The following ARHGAP8 variants were observed in gnomAD, a reference collection of about 807,000 sequenced individuals.
ARHGAP8 encodes the protein Rho GTPase activating protein 8, also known as rho GTPase-activating protein 8.
ARHGAP8 carries 62 observed loss-of-function variants against 46.1 expected under a neutral mutation model. The observed-to-expected ratio is 1.34, with a 90% CI of 1.10 to 1.66. The LOEUF is 1.66. ARHGAP8 is among the 40% of genes most tolerant of loss of function. The pLI is 0.00. For missense variants in ARHGAP8, 923 were observed against 568.4 expected, an observed-to-expected ratio of 1.62 and a Z score of -6.34; for synonymous variants, 375 against 243.1, an observed-to-expected ratio of 1.54 and a Z score of -5.05.
intron 1 of ARHGAP8, among the ~76,000 whole-genome samples, chr22:44,753,008 C>G (rs554616184): frequency 1.3e-5 from 2 of 152,060 alleles, no homozygotes; most frequent in East Asian, 3.9e-4. Flanking sequence ...TTTTTGCTTC[C>G]GTCCTGGGGT....
intron 5 of ARHGAP8, 38 bp from the exon 6 acceptor site, chr22:44,822,333 C>T: frequency 6.4e-7 from 1 of 1,562,082 alleles, no homozygotes; most frequent in Non-Finnish European, 8.6e-7. Context: ...TCTGCTGGCG[C>T]CTAATCGTTC....
At chr22:44,767,984 CTTTTTTTTTTTTTTT>C (rs1167255172) in intron 1 of ARHGAP8, among the ~76,000 whole-genome samples, 10 of 47,252 alleles carry the variant, frequency 2.1e-4, no homozygotes, top group South Asian at 1.1e-3. Flanking sequence ...CGCATGATGT[CTTTTTTTTTTTTTTT>C]TTTTTTTTTT....
intron 1 of ARHGAP8, among the ~76,000 whole-genome samples, chr22:44,756,919 A>G (rs1024442417): frequency 4.6e-5 from 7 of 151,792 alleles, no homozygotes; most frequent in Non-Finnish European, 8.8e-5. Context: ...ATTAGCAACA[A>G]TTTTTTATTT....
chr22:44,853,110 A>AT (rs1013163923), intron 10 of ARHGAP8, among the ~76,000 whole-genome samples: 1 of 137,696 alleles, frequency 7.3e-6, no homozygotes, highest in Admixed American at 6.9e-5. Flanking sequence ...CCTAAACTCC[A>AT]TTTTTTTAGT....
At chr22:44,765,139 C>A (rs1283982636) in intron 1 of ARHGAP8, 1 of 152,154 alleles carries the variant, frequency 6.6e-6, no homozygotes, top group Admixed American at 6.5e-5. Flanking sequence ...GGCCCTGGGG[C>A]CACAGCTGGC....
At chr22:44,845,783 G>T (rs929340590) in intron 8 of ARHGAP8, among the ~76,000 whole-genome samples, 7 of 152,132 alleles carry the variant, frequency 4.6e-5, no homozygotes, top group Non-Finnish European at 1.0e-4. Context: ...AACTTGGAGT[G>T]GGGTGAGCCT....
At chr22:44,768,039 AC>A (rs1252102075) in intron 1 of ARHGAP8, among the ~76,000 whole-genome samples, 1 of 97,874 alleles carries the variant, frequency 1.0e-5, no homozygotes, top group Non-Finnish European at 1.8e-5. Context: ...TTGCTCTGTC[AC>A]CCAGGCTGGA....
chr22:44,802,220 A>T, intron 3 of ARHGAP8, 56 bp downstream of exon 3: 1 of 1,598,056 alleles, frequency 6.3e-7, no homozygotes, highest in Non-Finnish European at 8.6e-7. Flanking sequence ...GCTTGTCCCC[A>T]TCCCTTCACC....
intron 10 of ARHGAP8, 90 bp from the exon 11 acceptor site, chr22:44,859,641 C>A (rs764475770): frequency 7.1e-7 from 1 of 1,412,534 alleles, no homozygotes; most frequent in Non-Finnish European, 9.8e-7. Flanking sequence ...CAGAGCTGTC[C>A]TTCCTACACC....
intron 11 of ARHGAP8, among the ~76,000 whole-genome samples, chr22:44,861,320 C>T (rs2070471259): frequency 6.6e-6 from 1 of 152,208 alleles, no homozygotes; most frequent in Non-Finnish European, 1.5e-5. Context: ...TAGCCGCCAC[C>T]TCCATGGGCA....
chr22:44,851,055 C>G (rs1411119663), intron 10 of ARHGAP8: 1 of 151,960 alleles, frequency 6.6e-6, no homozygotes, highest in Non-Finnish European at 1.5e-5. Context: ...TGTCAAGGAC[C>G]TGAGAGCCAT....
At chr22:44,843,526 A>C (rs553839347) in intron 7 of ARHGAP8, among the ~76,000 whole-genome samples, 14 of 152,202 alleles carry the variant, frequency 9.2e-5, no homozygotes, top group Non-Finnish European at 1.9e-4. Flanking sequence ...GTACTGGATA[A>C]TGTATTATAT....
At chr22:44,857,950 C>G (rs113141650) in intron 10 of ARHGAP8, among the ~76,000 whole-genome samples, 1,845 of 104,910 alleles carry the variant, frequency 0.018, 40 homozygotes, top group African/African-American at 0.066. Flanking sequence ...GACCACAGAG[C>G]TGAGGGTGAC....
At chr22:44,800,760 G>GTA in intron 2 of ARHGAP8, among the ~76,000 whole-genome samples, 1 of 6,398 alleles carries the variant, frequency 1.6e-4, no homozygotes, top group African/African-American at 1.7e-3. Flanking sequence ...TGTGGGGGCC[G>GTA]CCTCTCCCCG....
chr22:44,807,727 G>A (rs1929033195), intron 3 of ARHGAP8, among the ~76,000 whole-genome samples: 1 of 152,212 alleles, frequency 6.6e-6, no homozygotes, highest in Non-Finnish European at 1.5e-5. Flanking sequence ...TTGAGGTGTG[G>A]CCAGGGCCGT....
chr22:44,800,427 T>G (rs972445811), intron 2 of ARHGAP8, among the ~76,000 whole-genome samples: 10 of 152,250 alleles, frequency 6.6e-5, no homozygotes, highest in African/African-American at 1.9e-4. Flanking sequence ...TTTATCTCAC[T>G]AAGCGCCTGG....
intron 2 of ARHGAP8, among the ~76,000 whole-genome samples, chr22:44,791,878 G>T (rs1927714827): frequency 6.6e-6 from 1 of 152,106 alleles, no homozygotes; most frequent in Non-Finnish European, 1.5e-5. Context: ...TCTCCACTTG[G>T]GTGAAATAGA....
At chr22:44,806,380 A>T (rs1018138664) in intron 3 of ARHGAP8, among the ~76,000 whole-genome samples, 5 of 152,152 alleles carry the variant, frequency 3.3e-5, no homozygotes, top group Non-Finnish European at 7.4e-5. Flanking sequence ...GATGTGCGTG[A>T]TTTCTCTACA....
At chr22:44,858,768 G>GC (rs2070323900) in intron 10 of ARHGAP8, among the ~76,000 whole-genome samples, 1 of 149,024 alleles carries the variant, frequency 6.7e-6, no homozygotes. Flanking sequence ...GTTGCATCAG[G>GC]CCCCTGGAGG....
Sources: allele counts gnomAD v4.1 joint callset (sites outside exome capture counted in the v4.1 genomes callset), GRCh38; gene constraint gnomAD v4.1.1; transcripts MANE v1.5; gene names NCBI Gene and HGNC (gene_info 2026-07-23, HGNC 2026-07-21).